The following NT5DC1 variants were observed in gnomAD, a reference collection of about 807,000 sequenced individuals.
NT5DC1 encodes 5'-nucleotidase domain containing 1.
NT5DC1 carries 42 observed loss-of-function variants against 59.4 expected under a neutral mutation model. That is an observed-to-expected ratio of 0.71 (90% CI 0.55 to 0.92). The LOEUF is 0.92. Among genes scored for constraint, NT5DC1 ranks in the 40% least tolerant of loss-of-function variants. The pLI is 0.00. For synonymous variants in NT5DC1, 172 were observed against 188.1 expected, an observed-to-expected ratio of 0.91 and a Z score of 0.70; for missense variants, 501 against 537.1, an observed-to-expected ratio of 0.93 and a Z score of 0.66.
intron 6 of NT5DC1, among the ~76,000 whole-genome samples, chr6:116,160,002 AT>A (rs1780290925): frequency 6.6e-6 from 1 of 152,024 alleles, no homozygotes; most frequent in Non-Finnish European, 1.5e-5. Context: ...CATTTTTTTT[AT>A]TCCAGTCAAC....
At chr6:116,147,813 T>C (rs970167350) in intron 6 of NT5DC1, among the ~76,000 whole-genome samples, 2 of 152,170 alleles carry the variant, frequency 1.3e-5, no homozygotes, top group African/African-American at 4.8e-5. Context: ...TTGTTTGTAA[T>C]AGCAGAAGAA....
intron 6 of NT5DC1, chr6:116,120,085 C>G: frequency 6.2e-7 from 1 of 1,613,860 alleles, no homozygotes; most frequent in African/African-American, 1.3e-5. Flanking sequence ...ACATTGGAGC[C>G]ACTAGGAATC....
At chr6:116,117,298 G>A (rs988298888) in intron 5 of NT5DC1, among the ~76,000 whole-genome samples, 1 of 152,122 alleles carries the variant, frequency 6.6e-6, no homozygotes, top group Non-Finnish European at 1.5e-5. Context: ...TTAAAATTTA[G>A]TGATATGTAT....
intron 6 of NT5DC1, among the ~76,000 whole-genome samples, chr6:116,217,081 TAAC>T (rs1781700827): frequency 6.6e-6 from 1 of 152,198 alleles, no homozygotes; most frequent in African/African-American, 2.4e-5. Context: ...GTGATACAGT[TAAC>T]AAGAAAAAGC....
At position 116,246,856 on chromosome 6, in the gene NT5DC1, G is replaced by T. The variant is rs944043011; in HGVS notation, c.*2832G>T. The T allele has an allele frequency of 6.6e-6, 1 of 152,256 alleles. No individual in the cohort carries two copies. The highest frequency in any genetic ancestry group is 2.1e-4 in the South Asian group (1 of 4,826). The allele number at this position is 152,256 out of a possible 1,614,324, so 9.4% of individuals were successfully genotyped here. A position where few individuals can be genotyped will look rare whatever the true frequency, so the allele number is the denominator to read the frequency against. On this transcript the variant is annotated 3_prime_UTR_variant, in exon 12 of 12. Transcript: ENST00000319550. Reference sequence around the variant, plus strand: ...GTCCACATAGAATGAATTCAGAAAGGTGTCTCTTGTTGGTCTCTAGAACTA... The same window carrying T: ...GTCCACATAGAATGAATTCAGAAAGTTGTCTCTTGTTGGTCTCTAGAACTA...
rs57839520 is a variant in NT5DC1 at position 116,246,468 on chromosome 6, TACACACACAC to T, written c.*2461_*2470del. 2.0e-5 allele frequency: 3 copies of T among 149,448 alleles called. No homozygotes were observed. The highest frequency in any genetic ancestry group is 7.4e-5 in the African/African-American group (3 of 40,414). The allele number at this position is 149,448 out of a possible 1,614,324, so 9.3% of individuals were successfully genotyped here. ...ATTCATATCCAAAAATAACTTTAAA[TACACACACAC>T]ACACACACACACACACTTTTAGTGA... On this transcript the variant is annotated 3_prime_UTR_variant, in exon 12 of 12. Coordinates refer to ENST00000319550, the MANE Select transcript of NT5DC1 (RefSeq NM_152729.3).
At chr6:116,170,233 G>A (rs1303455091) in intron 6 of NT5DC1, among the ~76,000 whole-genome samples, 2 of 145,390 alleles carry the variant, frequency 1.4e-5, no homozygotes, top group African/African-American at 5.0e-5. Flanking sequence ...AATGAAAGGA[G>A]ATTATCTTGT....
intron 9 of NT5DC1, chr6:116,237,776 AGTGGTT>A (rs1226874727): frequency 1.1e-5 from 3 of 263,378 alleles, no homozygotes; most frequent in Non-Finnish European, 2.3e-5. Context: ...AAACTTGAAA[AGTGGTT>A]GTGATTTGCA....
intron 6 of NT5DC1, among the ~76,000 whole-genome samples, chr6:116,127,607 T>C (rs751334394): frequency 2.6e-5 from 4 of 152,160 alleles, no homozygotes; most frequent in Non-Finnish European, 5.9e-5. Context: ...GCCTTTTGGC[T>C]TATGGCCCAT....
chr6:116,100,885 T>C lies in NT5DC1; in HGVS notation c.-46T>C. On this transcript the variant is annotated 5_prime_UTR_variant, in exon 1 of 12. Transcript: ENST00000319550. ...CGCAGCGTCCCGCCAGCCAGCTCCT[T>C]GCACCCTTCGCGGCCGAGGCGCTCC... 1 of 1,474,078 alleles carries C rather than the reference T, an allele frequency of 6.8e-7. No individual in the cohort carries two copies. The highest frequency in any genetic ancestry group is 9.3e-7 in the Non-Finnish European group (1 of 1,076,862). The allele number at this position is 1,474,078 out of a possible 1,614,324, so 91.3% of individuals were successfully genotyped here. A position where few individuals can be genotyped will look rare whatever the true frequency, so the allele number is the denominator to read the frequency against.
At chr6:116,162,639 G>C (rs1438248555) in intron 6 of NT5DC1, among the ~76,000 whole-genome samples, 2 of 152,160 alleles carry the variant, frequency 1.3e-5, no homozygotes, top group African/African-American at 4.8e-5. Flanking sequence ...TGATCGTGAT[G>C]AATTATCTTT....
intron 6 of NT5DC1, among the ~76,000 whole-genome samples, chr6:116,176,982 T>G (rs1780747853): frequency 6.6e-6 from 1 of 152,180 alleles, no homozygotes; most frequent in Non-Finnish European, 1.5e-5. Context: ...ATACAGTTCT[T>G]TATCTTACTG....
At chr6:116,207,340 G>A (rs935785660) in intron 6 of NT5DC1, among the ~76,000 whole-genome samples, 15 of 144,784 alleles carry the variant, frequency 1.0e-4, no homozygotes, top group Non-Finnish European at 2.1e-4. Context: ...CTTTTTTATG[G>A]TGGACTTAAT....
chr6:116,128,463 CT>C (rs1386191568), intron 6 of NT5DC1, among the ~76,000 whole-genome samples: 1 of 152,138 alleles, frequency 6.6e-6, no homozygotes, highest in Non-Finnish European at 1.5e-5. Context: ...GAGCCATACT[CT>C]TTAAACTCTA....
intron 6 of NT5DC1, among the ~76,000 whole-genome samples, chr6:116,132,548 T>G (rs1018751434): frequency 6.6e-6 from 1 of 152,136 alleles, no homozygotes; most frequent in Non-Finnish European, 1.5e-5. Flanking sequence ...TTTCATAGAC[T>G]CAGCTGTAAG....
At position 116,238,523 on chromosome 6, in the gene NT5DC1, C is replaced by T. The variant is rs968782443; in HGVS notation, c.1083+175C>T. ...TGAAACTTTGTATTAATTTTATTGA[C>T]TTCATGTTCCATTTGTATTGAAAGC... On this transcript the variant is annotated intron_variant, in intron 10 of 11. Coordinates refer to ENST00000319550, the MANE Select transcript of NT5DC1 (RefSeq NM_152729.3). Among the ~76,000 whole-genome samples the T allele has an allele frequency of 4.1e-5, 6 of 147,954 alleles. No individual in the cohort carries two copies. In the East Asian group the frequency reaches 1.2e-3, roughly 29 times the overall value.
chr6:116,124,654 T>A (rs1779238009), intron 6 of NT5DC1, among the ~76,000 whole-genome samples: 2 of 152,346 alleles, frequency 1.3e-5, no homozygotes, highest in South Asian at 2.1e-4. Flanking sequence ...GCCCTTGAGA[T>A]AGCTGCTCCT....
intron 4 of NT5DC1, among the ~76,000 whole-genome samples, chr6:116,112,344 G>A (rs1016989908): frequency 6.6e-6 from 1 of 152,146 alleles, no homozygotes; most frequent in African/African-American, 2.4e-5. Flanking sequence ...ATGTAGAGAA[G>A]TATGGAAGAA....
chr6:116,217,231 T>C (rs1176742173), intron 6 of NT5DC1, among the ~76,000 whole-genome samples: 1 of 152,218 alleles, frequency 6.6e-6, no homozygotes, highest in Admixed American at 6.5e-5. Flanking sequence ...TTCAGGCCAT[T>C]TGATGTGCAT....
Sources: allele counts gnomAD v4.1 joint callset (sites outside exome capture counted in the v4.1 genomes callset), GRCh38; gene constraint gnomAD v4.1.1; transcripts MANE v1.5; gene names NCBI Gene and HGNC (gene_info 2026-07-23, HGNC 2026-07-21).